The following CHMP4B variants were observed in gnomAD, a reference collection of about 807,000 sequenced individuals.
CHMP4B encodes the protein charged multivesicular body protein 4B, also known as SNF7 homolog associated with Alix 1.
CHMP4B carries 1 observed loss-of-function variant against 25.1 expected under a neutral mutation model. The ratio of observed to expected loss-of-function variants is 0.04; its 90% CI spans 0.01 to 0.19. The LOEUF (loss-of-function observed/expected upper bound fraction) is 0.19, where lower values mean the gene tolerates loss of function less well. CHMP4B is among the 10% of genes least tolerant of loss of function. The probability of loss-of-function intolerance (pLI) is 1.00; values close to 1 mark genes in which losing one functional copy is unlikely to be tolerated. For missense variants in CHMP4B, 151 were observed against 289.7 expected, an observed-to-expected ratio of 0.52 and a Z score of 3.48; for synonymous variants, 101 against 115.6, an observed-to-expected ratio of 0.87 and a Z score of 0.81.
intron 1 of CHMP4B, among the ~76,000 whole-genome samples, chr20:33,829,201 G>A (rs1036203580): frequency 6.6e-6 from 1 of 152,182 alleles, no homozygotes; most frequent in African/African-American, 2.4e-5. Context: ...GGAGAGAGGA[G>A]GGTGTGTGGT....
intron 1 of CHMP4B, among the ~76,000 whole-genome samples, chr20:33,818,181 G>A (rs1321225951): frequency 6.6e-6 from 1 of 152,232 alleles, no homozygotes; most frequent in Non-Finnish European, 1.5e-5. Context: ...GATAGTCTTA[G>A]GGACAGTAAG....
intron 1 of CHMP4B, among the ~76,000 whole-genome samples, chr20:33,822,963 T>C (rs1978985859): frequency 6.6e-6 from 1 of 151,858 alleles, no homozygotes; most frequent in Admixed American, 6.6e-5. Flanking sequence ...TAATTTTTTG[T>C]ATTTTTAGTA....
At chr20:33,851,853 G>T (rs542778967) in intron 3 of CHMP4B, among the ~76,000 whole-genome samples, 1 of 152,334 alleles carries the variant, frequency 6.6e-6, no homozygotes, top group South Asian at 2.1e-4. Flanking sequence ...ACAGTCTAGT[G>T]CAGGACACCA....
intron 1 of CHMP4B, among the ~76,000 whole-genome samples, chr20:33,843,229 T>G (rs985496798): frequency 3.3e-5 from 5 of 152,228 alleles, no homozygotes; most frequent in African/African-American, 1.2e-4. Flanking sequence ...TGGTTGGAGT[T>G]GTTTTTGCTT....
At chr20:33,850,467 G>A (rs1210656202) in intron 2 of CHMP4B, among the ~76,000 whole-genome samples, 1 of 152,332 alleles carries the variant, frequency 6.6e-6, no homozygotes, top group East Asian at 1.9e-4. Context: ...TTGTCAGTGT[G>A]TAGAAGAAAA....
chr20:33,846,688 T>C (rs1184209857), intron 1 of CHMP4B, among the ~76,000 whole-genome samples: 2 of 152,196 alleles, frequency 1.3e-5, no homozygotes, highest in Non-Finnish European at 2.9e-5. Flanking sequence ...TGGGACCTAT[T>C]CATGTGACAT....
At chr20:33,830,861 C>T (rs6059483) in intron 1 of CHMP4B, among the ~76,000 whole-genome samples, 16 of 147,922 alleles carry the variant, frequency 1.1e-4, no homozygotes, top group African/African-American at 3.7e-4. Context: ...TCTGACATTC[C>T]TTTCTTTACA....
intron 1 of CHMP4B, among the ~76,000 whole-genome samples, chr20:33,830,172 G>A (rs1182509716): frequency 6.6e-6 from 1 of 152,210 alleles, no homozygotes; most frequent in Non-Finnish European, 1.5e-5. Flanking sequence ...TGAAGAGGAA[G>A]ATGAAAGGAG....
chr20:33,814,565 G>A (rs928189031), intron 1 of CHMP4B, among the ~76,000 whole-genome samples: 20 of 152,218 alleles, frequency 1.3e-4, no homozygotes, highest in Admixed American at 1.2e-3. Context: ...GAGTCTGTGG[G>A]TGGGACAGGA....
At chr20:33,853,195 A>T (rs1601330728) in intron 4 of CHMP4B, among the ~76,000 whole-genome samples, 1 of 152,000 alleles carries the variant, frequency 6.6e-6, no homozygotes, top group East Asian at 1.9e-4. Context: ...CTCTCCTCCC[A>T]CCTTGCAGGC....
chr20:33,831,749 A>G (rs1300389804), intron 1 of CHMP4B, among the ~76,000 whole-genome samples: 1 of 152,012 alleles, frequency 6.6e-6, no homozygotes, highest in Non-Finnish European at 1.5e-5. Flanking sequence ...TAATTTTATT[A>G]TTTTCACATA....
chr20:33,846,662 G>A (rs1406377015), intron 1 of CHMP4B, among the ~76,000 whole-genome samples: 2 of 152,232 alleles, frequency 1.3e-5, no homozygotes, highest in South Asian at 2.1e-4. Context: ...GCCAACGGGT[G>A]TGAGTAGAAG....
intron 1 of CHMP4B, among the ~76,000 whole-genome samples, chr20:33,831,029 C>T (rs1481750299): frequency 6.8e-6 from 1 of 147,544 alleles, no homozygotes; most frequent in Non-Finnish European, 1.5e-5. Context: ...CAGCCTGGAC[C>T]TCCACAGCTC....
At chr20:33,827,161 C>T (rs1307201548) in intron 1 of CHMP4B, among the ~76,000 whole-genome samples, 1 of 152,212 alleles carries the variant, frequency 6.6e-6, no homozygotes, top group Non-Finnish European at 1.5e-5. Context: ...CCAGATTGGT[C>T]TGGCAGACCC....
rs1179245713 is a variant in CHMP4B, at chr20:33,839,243, G to A, written c.191-9224G>A. Among the ~76,000 whole-genome samples, 3 of 152,126 alleles carry A rather than the reference G, an allele frequency of 2.0e-5. No individual in the cohort carries two copies. The East Asian group carries it at 5.8e-4, about 29-fold the overall frequency. ...ATCTGGAAGCCATTATAGGGTGAGA[G>A]GACGGGGGCACCCACAAATGAGGAA... On this transcript the variant is annotated intron_variant, in intron 1 of 4. Coordinates refer to ENST00000217402, the MANE Select transcript of CHMP4B (RefSeq NM_176812.5).
At chr20:33,824,564 C>G (rs780769592) in intron 1 of CHMP4B, among the ~76,000 whole-genome samples, 4 of 152,222 alleles carry the variant, frequency 2.6e-5, no homozygotes, top group Admixed American at 2.0e-4. Context: ...TGTCTTCATT[C>G]ATTCAATTCG....
intron 1 of CHMP4B, among the ~76,000 whole-genome samples, chr20:33,827,525 T>A (rs1371745629): frequency 6.6e-6 from 1 of 152,248 alleles, no homozygotes; most frequent in African/African-American, 2.4e-5. Flanking sequence ...TTTTCTGTTT[T>A]GATTCCTTGG....
intron 1 of CHMP4B, among the ~76,000 whole-genome samples, chr20:33,833,134 C>T (rs1951522542): frequency 1.3e-5 from 2 of 152,152 alleles, no homozygotes; most frequent in African/African-American, 4.8e-5. Context: ...TGAACTCCAT[C>T]TTCCTCATAT....
At chr20:33,814,480 G>A (rs1185401155) in intron 1 of CHMP4B, among the ~76,000 whole-genome samples, 1 of 152,156 alleles carries the variant, frequency 6.6e-6, no homozygotes, top group Non-Finnish European at 1.5e-5. Flanking sequence ...AGAAGACTTG[G>A]CAGAGGAAGG....
Sources: gnomAD v4.1 joint callset for allele counts (sites outside exome capture counted in the v4.1 genomes callset) on GRCh38, gnomAD v4.1.1 for gene constraint, MANE v1.5 for transcripts, NCBI Gene and HGNC (gene_info 2026-07-23, HGNC 2026-07-21) for gene names.